Variants in DYM observed in about 807,000 individuals in gnomAD.
The protein encoded by DYM is dyggve-Melchior-Clausen syndrome protein.
Under a neutral mutation model 93.1 loss-of-function variants are expected in DYM, and 78 were observed. The ratio of observed to expected loss-of-function variants is 0.84; its 90% CI spans 0.70 to 1.01. The LOEUF (loss-of-function observed/expected upper bound fraction) is 1.01, where lower values mean the gene tolerates loss of function less well. Ranked by LOEUF, DYM falls within the 50% of genes least tolerant of loss-of-function variation. The pLI is 0.00. For synonymous variants in DYM, 321 were observed against 319.7 expected, an observed-to-expected ratio of 1.00 and a Z score of -0.04; for missense variants, 789 against 845.0, an observed-to-expected ratio of 0.93 and a Z score of 0.82.
intron 2 of DYM, among the ~76,000 whole-genome samples, chr18:49,397,136 G>T (rs2070199824): frequency 6.6e-6 from 1 of 152,128 alleles, no homozygotes; most frequent in Admixed American, 6.5e-5. Context: ...ATTACACAAT[G>T]TATAATGCAT....
chr18:49,392,402 G>A (rs2069367649), intron 2 of DYM, among the ~76,000 whole-genome samples: 1 of 152,116 alleles, frequency 6.6e-6, no homozygotes, highest in Non-Finnish European at 1.5e-5. Flanking sequence ...TCTACAGAGT[G>A]AAAAGTCAAC....
chr18:49,160,563 T>G (rs1469344670), intron 15 of DYM, among the ~76,000 whole-genome samples: 1 of 122,100 alleles, frequency 8.2e-6, no homozygotes, highest in African/African-American at 3.2e-5. Flanking sequence ...GTACACGTCG[T>G]GAGACTCTGT....
intron 1 of DYM, among the ~76,000 whole-genome samples, chr18:49,446,309 T>G (rs1416978391): frequency 6.6e-6 from 1 of 152,148 alleles, no homozygotes; most frequent in Non-Finnish European, 1.5e-5. Flanking sequence ...TAACTGCCTC[T>G]GAAAATGAGA....
chr18:49,218,763 G>T (rs1012152328), intron 13 of DYM, among the ~76,000 whole-genome samples: 1 of 152,190 alleles, frequency 6.6e-6, no homozygotes, highest in Non-Finnish European at 1.5e-5. Flanking sequence ...GCAGTGTGTA[G>T]AGGGAAATTT....
intron 8 of DYM, among the ~76,000 whole-genome samples, chr18:49,292,606 A>AC (rs1568188832): frequency 0.016 from 1,101 of 70,490 alleles, 36 homozygotes; most frequent in African/African-American, 0.075. Flanking sequence ...AAAAAAAAAA[A>AC]AAAAAAAAAA....
At chr18:49,454,030 A>C (rs1455412654) in intron 1 of DYM, among the ~76,000 whole-genome samples, 1 of 152,196 alleles carries the variant, frequency 6.6e-6, no homozygotes, top group Non-Finnish European at 1.5e-5. Flanking sequence ...ATAGCAACAG[A>C]ATCAAACTCC....
At chr18:49,106,057 G>A (rs1313326024) in intron 16 of DYM, among the ~76,000 whole-genome samples, 3 of 152,282 alleles carry the variant, frequency 2.0e-5, no homozygotes, top group East Asian at 3.9e-4. Flanking sequence ...CTCTTTGTAG[G>A]TCTCTAAGGA....
At chr18:49,254,717 T>A (rs1267767804) in intron 13 of DYM, among the ~76,000 whole-genome samples, 3 of 152,244 alleles carry the variant, frequency 2.0e-5, no homozygotes, top group Admixed American at 2.0e-4. Context: ...CCAGCTAATT[T>A]GGCATTTTCA....
At chr18:49,373,064 T>C (rs1490082967) in intron 5 of DYM, among the ~76,000 whole-genome samples, 4 of 152,216 alleles carry the variant, frequency 2.6e-5, no homozygotes, top group African/African-American at 7.2e-5. Flanking sequence ...CCAAAATAAA[T>C]ACAGTATATC....
chr18:49,231,783 C>A (rs1297132023), intron 13 of DYM, among the ~76,000 whole-genome samples: 1 of 152,180 alleles, frequency 6.6e-6, no homozygotes, highest in Non-Finnish European at 1.5e-5. Flanking sequence ...ACTAGCACAT[C>A]TGGAGCTAAA....
In DYM at chr18:49,081,240, G is replaced by A. The variant is rs548715657; in HGVS notation, c.2025+16162C>T. Among the ~76,000 whole-genome samples the A allele has an allele frequency of 5.3e-5, 8 of 151,078 alleles. No homozygotes were observed. In the East Asian group the frequency reaches 1.4e-3, roughly 26 times the overall value. On this transcript the variant is annotated intron_variant, in intron 17 of 17. Coordinates refer to ENST00000675505, the MANE Select transcript of DYM (RefSeq NM_001353214.3). The stretch of plus-strand genomic sequence containing the variant: ...TTGAGCACTGAGTGAACCAGACTCC[G>A]TCTGCAATCCCGGCACCTCGGGAGG...
At position 49,273,553 on chromosome 18, in the gene DYM, T is replaced by G. The variant is rs574748499; in HGVS notation, c.1126-1250A>C. On this transcript the variant is annotated intron_variant, in intron 10 of 17. Coordinates refer to ENST00000675505, the MANE Select transcript of DYM (RefSeq NM_001353214.3). ...TCTCATAAGATTACAACATCATATT[T>G]TTACTGTACCCTTTCTATGTTTAGA... Among the ~76,000 whole-genome samples, 21 of 152,274 alleles carry G rather than the reference T, an allele frequency of 1.4e-4. No homozygotes were observed. In the Middle Eastern group the frequency reaches 0.01, roughly 74 times the overall value.
chr18:49,202,592 G>A (rs1395833817), intron 14 of DYM, among the ~76,000 whole-genome samples: 3 of 127,042 alleles, frequency 2.4e-5, no homozygotes, highest in Non-Finnish European at 5.0e-5. Context: ...AGTGAGGAGC[G>A]TCTCTGCCCG....
intron 16 of DYM, among the ~76,000 whole-genome samples, chr18:49,102,458 C>A (rs1327035292): frequency 6.6e-6 from 1 of 152,060 alleles, no homozygotes; most frequent in African/African-American, 2.4e-5. Context: ...GGTACACGTG[C>A]ACAATGTGCA....
At chr18:49,298,199 GA>G (rs1204079626) in intron 8 of DYM, among the ~76,000 whole-genome samples, 1 of 151,598 alleles carries the variant, frequency 6.6e-6, no homozygotes, top group African/African-American at 2.4e-5. Flanking sequence ...TCTCAAGAAA[GA>G]AAAAAAACAC....
chr18:49,156,427 C>T (rs1198117880), intron 15 of DYM, among the ~76,000 whole-genome samples: 1 of 150,776 alleles, frequency 6.6e-6, no homozygotes, highest in Non-Finnish European at 1.5e-5. Flanking sequence ...GCCCCCCCCT[C>T]AAAAAAAACA....
At chr18:49,456,226 G>C (rs1417686325) in intron 1 of DYM, among the ~76,000 whole-genome samples, 1 of 152,218 alleles carries the variant, frequency 6.6e-6, no homozygotes, top group Non-Finnish European at 1.5e-5. Flanking sequence ...CTGGGTTCCT[G>C]ATGACAGCAG....
intron 13 of DYM, among the ~76,000 whole-genome samples, chr18:49,229,991 A>G (rs2093648276): frequency 6.6e-6 from 1 of 152,190 alleles, no homozygotes; most frequent in African/African-American, 2.4e-5. Context: ...ACTAAATACC[A>G]TATGATAAGA....
chr18:49,208,934 G>A (rs551152863), intron 14 of DYM, among the ~76,000 whole-genome samples: 3 of 152,060 alleles, frequency 2.0e-5, no homozygotes, highest in Admixed American at 6.6e-5. Context: ...TCTGATATTC[G>A]AGATTGACAG....
Sources: gnomAD v4.1 joint callset for allele counts (sites outside exome capture counted in the v4.1 genomes callset) on GRCh38, gnomAD v4.1.1 for gene constraint, MANE v1.5 for transcripts, NCBI Gene and HGNC (gene_info 2026-07-23, HGNC 2026-07-21) for gene names.